USP7: variants seen among roughly 807,000 people sequenced by gnomAD.
The protein encoded by USP7 is ubiquitin specific peptidase 7, also known as ubiquitin C-terminal hydrolase 7.
Under a neutral mutation model 162.9 loss-of-function variants are expected in USP7, and 9 were observed. That is an observed-to-expected ratio of 0.06 (90% CI 0.03 to 0.10). The LOEUF (loss-of-function observed/expected upper bound fraction) is 0.10. Among genes scored for constraint, USP7 ranks in the 10% least tolerant of loss-of-function variants. USP7 has a pLI of 1.00. For missense variants in USP7, 715 were observed against 1,373.7 expected, an observed-to-expected ratio of 0.52 and a Z score of 7.58; for synonymous variants, 562 against 475.9, an observed-to-expected ratio of 1.18 and a Z score of -2.35.
intron 15 of USP7, among the ~76,000 whole-genome samples, 189 bp downstream of exon 15, chr16:8,904,246 G>A (rs1371549074): frequency 6.6e-6 from 1 of 152,210 alleles, no homozygotes; most frequent in Non-Finnish European, 1.5e-5. Context: ...CTGGGCAGCT[G>A]CCCTGCTGTG....
At chr16:8,938,920 G>C (rs565701709) in intron 1 of USP7, among the ~76,000 whole-genome samples, 2 of 152,286 alleles carry the variant, frequency 1.3e-5, no homozygotes, top group South Asian at 4.1e-4. Context: ...GTATGAGGAA[G>C]ACTTGAGCAT....
chr16:8,920,398 A>G lies in USP7; in HGVS notation c.572T>C (p.Phe191Ser), dbSNP rs778680603. ...AGCATCCGCCTGTACAAAGACTTCA[A>G]AGGTAACTTTGTCATCATCTATAAA... ...KGFIDDDKVT[F>S]EVFVQADAPH... is the part of the protein sequence containing the mutation. Residue 191 changes from phenylalanine to serine, a missense_variant, in exon 5 of 31, where the codon TTT (phenylalanine) becomes TCT (serine). Coordinates refer to ENST00000344836, the MANE Select transcript of USP7 (RefSeq NM_003470.3). 15 of 1,613,656 alleles carry G rather than the reference A, an allele frequency of 9.3e-6. No homozygotes were observed. Among genetic ancestry groups the G allele is most frequent in the Non-Finnish European group, 1.3e-5 (15 of 1,179,920 alleles).
In USP7 at chr16:8,896,302, G is replaced by A. The variant is rs1386175341; in HGVS notation, c.2820-561C>T. Among the ~76,000 whole-genome samples the A allele has an allele frequency of 3.3e-5, 5 of 152,140 alleles. No individual in the cohort carries two copies. The South Asian group carries it at 6.2e-4, about 19-fold the overall frequency. Reference sequence around the variant, plus strand: ...ACAGAGATGTACAGACTGGGCCTCCGAAAGTTGCATAAACCTTTCCCACAA... The same window carrying A: ...ACAGAGATGTACAGACTGGGCCTCCAAAAGTTGCATAAACCTTTCCCACAA... On this transcript the variant is annotated intron_variant, in intron 26 of 30. Transcript: ENST00000344836.
chr16:8,944,749 T>C (rs565695054), intron 1 of USP7, among the ~76,000 whole-genome samples: 1 of 152,238 alleles, frequency 6.6e-6, no homozygotes, highest in Non-Finnish European at 1.5e-5. Flanking sequence ...CAGACTCTCA[T>C]GGAACACCTG....
At chr16:8,907,035 AACAGAGGCAGGAAG>A (rs2061871196) in intron 12 of USP7, among the ~76,000 whole-genome samples, 1 of 152,238 alleles carries the variant, frequency 6.6e-6, no homozygotes, top group Non-Finnish European at 1.5e-5. Context: ...TTGCAAAATT[AACAGAGGCAGGAAG>A]GCAAGTTAGA....
At chr16:8,899,963 C>T in intron 21 of USP7, 1 of 632,778 alleles carries the variant, frequency 1.6e-6, no homozygotes, top group East Asian at 2.8e-5. Context: ...GAGCCAGGCG[C>T]AATGTAGTGG....
chr16:8,924,983 T>TA (rs754175139), intron 2 of USP7, among the ~76,000 whole-genome samples: 73 of 152,196 alleles, frequency 4.8e-4, no homozygotes, highest in Admixed American at 7.8e-4. Context: ...CTTTTGAGGA[T>TA]AGAAGTCTAC....
At chr16:8,926,148 C>T (rs1244986218) in intron 2 of USP7, among the ~76,000 whole-genome samples, 4 of 110,762 alleles carry the variant, frequency 3.6e-5, no homozygotes, top group Non-Finnish European at 7.8e-5. Flanking sequence ...AGCGAGACTC[C>T]GTCTCAAAAA....
intron 2 of USP7, chr16:8,929,400 G>A (rs1324450714): frequency 4.5e-6 from 2 of 442,788 alleles, no homozygotes; most frequent in Admixed American, 4.8e-5. Flanking sequence ...CCAGCTGCCA[G>A]GGGTAAACCG....
chr16:8,917,010 G>A lies in USP7; in HGVS notation c.851+16C>T, dbSNP rs1199299286. 7.1e-6 allele frequency: 11 copies of A among 1,539,234 alleles called. No individual in the cohort carries two copies. The highest frequency in any genetic ancestry group is 9.6e-6 in the Non-Finnish European group (11 of 1,149,804). On this transcript the variant is annotated intron_variant, in intron 7 of 30. Transcript: ENST00000344836. ...AAGAGGAAGCAGAATGGCAAAGGCAGATGTCTAATACATACCCAAATGACT... is the reference window on the plus strand; with the variant it reads ...AAGAGGAAGCAGAATGGCAAAGGCAAATGTCTAATACATACCCAAATGACT...
rs968710072 is a variant in USP7 at position 8,924,006 on chromosome 16, AT to A, written c.185-594del. On this transcript the variant is annotated intron_variant, in intron 2 of 30. Coordinates refer to ENST00000344836, the MANE Select transcript of USP7 (RefSeq NM_003470.3). ...TAGCCTGGACACCCTAGGGGGAATA[AT>A]TTTTTTTTTAAGAACTGGTATTTTT... 5.0e-3 allele frequency among the ~76,000 whole-genome samples: 750 copies of A among 150,542 alleles called. 8 individuals are homozygous for A. The highest frequency in any genetic ancestry group is 0.017 in the African/African-American group (709 of 41,012).
chr16:8,900,486 CTGAAATTAGTACAAAG>C, intron 21 of USP7, 28 bp downstream of exon 21: 1 of 1,431,650 alleles, frequency 7.0e-7, no homozygotes, highest in South Asian at 1.3e-5. Flanking sequence ...TAAAAAAATC[CTGAAATTAGTACAAAG>C]TGATACAATC....
At chr16:8,963,153 G>A in intron 1 of USP7, 54 bp downstream of exon 1, 2 of 1,357,110 alleles carry the variant, frequency 1.5e-6, no homozygotes, top group Non-Finnish European at 9.6e-7. Context: ...CGGCTCCCCC[G>A]GCCACAATGA....
intron 1 of USP7, among the ~76,000 whole-genome samples, chr16:8,934,177 G>A (rs972689146): frequency 6.6e-6 from 1 of 152,108 alleles, no homozygotes; most frequent in Non-Finnish European, 1.5e-5. Context: ...CAAAAATGAG[G>A]GCTCATTTTC....
At chr16:8,931,080 A>T (rs1229286366) in intron 1 of USP7, among the ~76,000 whole-genome samples, 1 of 152,196 alleles carries the variant, frequency 6.6e-6, no homozygotes, top group East Asian at 1.9e-4. Context: ...TAGGTTTCCT[A>T]GTAATTAAAA....
chr16:8,908,195 G>A lies in USP7; in HGVS notation c.1271+146C>T, dbSNP rs1022697365. On this transcript the variant is annotated intron_variant, in intron 12 of 30. Coordinates refer to ENST00000344836, the MANE Select transcript of USP7 (RefSeq NM_003470.3). ...GACATAAAATCATTCCTTTAACACT[G>A]CGGCTCTTGGGACACAGAGGTAGAA... is the stretch of plus-strand genomic sequence containing the variant. 68 of 684,012 alleles carry A rather than the reference G, an allele frequency of 9.9e-5. 1 individual carries two copies. The highest frequency in any genetic ancestry group is 8.7e-5 in the Non-Finnish European group (35 of 400,144). 42.4% of individuals were successfully genotyped at this position (684,012 alleles called of 1,614,324 possible).
intron 3 of USP7, among the ~76,000 whole-genome samples, chr16:8,921,527 A>G (rs1417017640): frequency 1.3e-5 from 2 of 152,160 alleles, no homozygotes; most frequent in Admixed American, 1.3e-4. Flanking sequence ...TCATTTTTTA[A>G]TTCCTTAGAA....
chr16:8,909,606 T>G (rs538441324), intron 11 of USP7, among the ~76,000 whole-genome samples: 5 of 152,320 alleles, frequency 3.3e-5, no homozygotes, highest in Admixed American at 6.5e-5. Flanking sequence ...GACCAGAATA[T>G]TTCTTCATCA....
At chr16:8,914,630 C>G (rs1455428142) in intron 10 of USP7, among the ~76,000 whole-genome samples, 1 of 152,164 alleles carries the variant, frequency 6.6e-6, no homozygotes, top group South Asian at 2.1e-4. Context: ...CAAAAGGAAT[C>G]AGACACAGGC....
Sources: allele counts gnomAD v4.1 joint callset (sites outside exome capture counted in the v4.1 genomes callset), GRCh38; gene constraint gnomAD v4.1.1; transcripts MANE v1.5; gene names NCBI Gene and HGNC (gene_info 2026-07-23, HGNC 2026-07-21).